Variants in RYR2 observed in about 807,000 individuals in gnomAD.
RYR2 encodes the protein cardiac muscle ryanodine receptor-calcium release channel.
In RYR2, 227 loss-of-function variants were observed where a neutral mutation model predicts 601.1. That is an observed-to-expected ratio of 0.38 (90% CI 0.34 to 0.42). The LOEUF (loss-of-function observed/expected upper bound fraction) is 0.42, where lower values mean the gene tolerates loss of function less well. Ranked by LOEUF, RYR2 falls within the 10% of genes least tolerant of loss-of-function variation. RYR2 has a pLI of 1.00. For missense variants in RYR2, 4,646 were observed against 6,156.5 expected (o/e 0.75, Z 8.21); for synonymous variants, 2,223 against 2,175.1 (o/e 1.02, Z -0.61).
chr1:237,529,640 G>A (rs116523878), intron 24 of RYR2, among the ~76,000 whole-genome samples: 3,122 of 152,020 alleles, frequency 0.021, 41 homozygotes, highest in Non-Finnish European at 0.033. Flanking sequence ...ATATTATGCC[G>A]TTATTTCTTA....
Position 237,422,942 on chromosome 1 carries a change from G to T in RYR2, c.849-150G>T, listed in dbSNP as rs41267513. ...ATTCTGAATAGCCATTTTGTTATTTGTGAAATGAAATTAATATCACTAATA... is the reference window on the plus strand; with the variant it reads ...ATTCTGAATAGCCATTTTGTTATTTTTGAAATGAAATTAATATCACTAATA... On this transcript the variant is annotated intron_variant, in intron 11 of 104. Coordinates refer to ENST00000366574, the MANE Select transcript of RYR2 (RefSeq NM_001035.3). The T allele has an allele frequency of 8.1e-3, 7,061 of 873,782 alleles. 32 individuals carry two copies. The highest frequency in any genetic ancestry group is 9.9e-3 in the Non-Finnish European group (5,856 of 589,082). The allele number at this position is 873,782 out of a possible 1,614,324, so 54.1% of individuals were successfully genotyped here.
chr1:237,448,856 A>C (rs970818059), intron 14 of RYR2, among the ~76,000 whole-genome samples: 1 of 149,752 alleles, frequency 6.7e-6, no homozygotes, highest in African/African-American at 2.5e-5. Context: ...ACCTCTTTGT[A>C]TCTTTACATT....
intron 10 of RYR2, among the ~76,000 whole-genome samples, chr1:237,415,297 C>T (rs959674724): frequency 1.3e-5 from 2 of 152,108 alleles, no homozygotes; most frequent in African/African-American, 2.4e-5. Flanking sequence ...CTTTATGCAG[C>T]GACAGTTGAA....
Position 237,139,603 on chromosome 1 carries a change from C to A in RYR2, c.48+97034C>A, listed in dbSNP as rs114716874. Among the ~76,000 whole-genome samples the A allele has an allele frequency of 8.7e-3, 1,325 of 152,206 alleles. 20 individuals carry two copies. The highest frequency in any genetic ancestry group is 0.031 in the African/African-American group (1,275 of 41,508). On this transcript the variant is annotated intron_variant, in intron 1 of 104. Coordinates refer to ENST00000366574, the MANE Select transcript of RYR2 (RefSeq NM_001035.3). ...AGTGGTAGAGAGGAAAGATCCTGTTCCTGAGAAGAAGATACCATGACAATA... is the reference window on the plus strand; with the variant it reads ...AGTGGTAGAGAGGAAAGATCCTGTTACTGAGAAGAAGATACCATGACAATA...
chr1:237,304,944 T>G (rs192135235), intron 2 of RYR2, among the ~76,000 whole-genome samples: 1 of 152,280 alleles, frequency 6.6e-6, no homozygotes, highest in Admixed American at 6.5e-5. Context: ...AGATGATCAT[T>G]TATAATATGA....
chr1:237,268,116 T>C (rs1447990258), intron 1 of RYR2, among the ~76,000 whole-genome samples: 1 of 152,210 alleles, frequency 6.6e-6, no homozygotes, highest in Admixed American at 6.5e-5. Context: ...TTACCTCATC[T>C]TGCTGTCTTC....
chr1:237,368,899 C>G (rs1700419412), intron 5 of RYR2, among the ~76,000 whole-genome samples: 1 of 152,052 alleles, frequency 6.6e-6, no homozygotes, highest in South Asian at 2.1e-4. Context: ...TCTCAGCTCA[C>G]TGCAACCTCC....
chr1:237,356,095 A>G (rs1416510435), intron 4 of RYR2, 110 bp downstream of exon 4: 1 of 896,684 alleles, frequency 1.1e-6, no homozygotes, highest in African/African-American at 1.7e-5. Flanking sequence ...ATTAGTGTTC[A>G]AACTAACTGC....
In RYR2 at chr1:237,270,508, G is replaced by A; in HGVS notation, c.60G>A (p.Val20=). The part of the protein sequence containing the change: ...EIQFLRTDDE[V]VLQCTATIHK... ...CTCCCCCTTTGCAGGATGATGAAGT[G>A]GTTCTGCAGTGCACCGCAACCATCC... Residue 20 remains valine, a synonymous_variant, in exon 2 of 105, where the codon GTG becomes GTA. Transcript: ENST00000366574. 1 of 1,582,820 alleles carries A rather than the reference G, an allele frequency of 6.3e-7. No homozygotes were observed. The highest frequency in any genetic ancestry group is 1.2e-5 in the South Asian group (1 of 86,224).
chr1:237,583,140 GCT>G (rs1378081819), intron 29 of RYR2, among the ~76,000 whole-genome samples: 2 of 151,934 alleles, frequency 1.3e-5, no homozygotes, highest in African/African-American at 4.8e-5. Flanking sequence ...TGAGATGGTA[GCT>G]CTTTGTGGTT....
Position 237,456,649 on chromosome 1 carries a change from G to C in RYR2, c.1526G>C (p.Ser509Thr). 6.2e-7 allele frequency: 1 copy of C among 1,612,230 alleles called. No individual in the cohort carries two copies. Among genetic ancestry groups the C allele is most frequent in the Non-Finnish European group, 8.5e-7 (1 of 1,178,944 alleles). Residue 509 changes from serine to threonine, a missense_variant, in exon 16 of 105, where the codon AGC becomes ACC. By Grantham distance (58) the Ser-to-Thr change is moderately conservative. This residue lies in a region of RYR2 where 1,807 missense variants were observed against 2,088.1 expected (regional missense o/e 0.87). Coordinates refer to ENST00000366574, the MANE Select transcript of RYR2 (RefSeq NM_001035.3). The part of the protein sequence containing the change: ...LECIDRLHVY[S>T]SAAHFADVAG... ...TGCATAGACCGTTTGCACGTCTACA[G>C]CAGTGCAGCACACTTTGCTGATGTT...
chr1:237,576,679 G>A (rs961263853), intron 29 of RYR2, among the ~76,000 whole-genome samples: 20 of 152,140 alleles, frequency 1.3e-4, no homozygotes, highest in African/African-American at 4.6e-4. Flanking sequence ...TGAATGTTCT[G>A]CTTCCTTAAA....
intron 3 of RYR2, chr1:237,333,653 C>G: frequency 4.4e-6 from 2 of 456,020 alleles, no homozygotes; most frequent in South Asian, 3.1e-5. Context: ...CTCATGGATG[C>G]TGCTGGCACT....
At chr1:237,441,559 G>T (rs1327095873) in intron 13 of RYR2, 76 bp downstream of exon 13, 30 of 1,364,854 alleles carry the variant, frequency 2.2e-5, no homozygotes, top group Non-Finnish European at 2.9e-5. Context: ...AAAATAATTG[G>T]CTGATCTTTT....
intron 10 of RYR2, among the ~76,000 whole-genome samples, chr1:237,394,346 G>A (rs796219368): frequency 1.3e-5 from 2 of 152,184 alleles, no homozygotes; most frequent in Admixed American, 6.5e-5. Flanking sequence ...TACATTTTAT[G>A]CAGAGGTGTC....
chr1:237,416,267 T>C (rs779297251), intron 10 of RYR2, among the ~76,000 whole-genome samples: 7 of 152,138 alleles, frequency 4.6e-5, no homozygotes, highest in Admixed American at 1.3e-4. Flanking sequence ...TAGGCTTTCA[T>C]GTGTTTACAT....
At chr1:237,345,482 A>T (rs1384552221) in intron 3 of RYR2, among the ~76,000 whole-genome samples, 3 of 147,216 alleles carry the variant, frequency 2.0e-5, no homozygotes, top group Admixed American at 2.0e-4. Flanking sequence ...AATAAAAAAT[A>T]AAAAAAAATA....
chr1:237,419,825 A>G (rs376158356), intron 11 of RYR2, among the ~76,000 whole-genome samples: 149 of 152,256 alleles, frequency 9.8e-4, no homozygotes, highest in African/African-American at 3.2e-3. Context: ...AGCTACATTC[A>G]GTTTAGGAGC....
At chr1:237,238,467 G>A (rs1327485231) in intron 1 of RYR2, among the ~76,000 whole-genome samples, 1 of 152,166 alleles carries the variant, frequency 6.6e-6, no homozygotes, top group Non-Finnish European at 1.5e-5. Context: ...TTGAACACAT[G>A]TTCTCAGGAC....
Sources: gnomAD v4.1 joint callset for allele counts (sites outside exome capture counted in the v4.1 genomes callset) on GRCh38, gnomAD v4.1.1 for gene constraint, gnomAD v4.1.1 regional missense constraint, MANE v1.5 for transcripts, NCBI Gene and HGNC (gene_info 2026-07-23, HGNC 2026-07-21) for gene names.